DNAH9: variants seen among roughly 807,000 people sequenced by gnomAD.
DNAH9 encodes DNAH9 variant protein.
DNAH9 carries 345 observed loss-of-function variants against 471.6 expected under a neutral mutation model. The ratio of observed to expected loss-of-function variants is 0.73; its 90% CI spans 0.67 to 0.80. DNAH9 has a LOEUF of 0.80. Among genes scored for constraint, DNAH9 ranks in the 30% least tolerant of loss-of-function variants. DNAH9 has a pLI of 0.00. For synonymous variants in DNAH9, 2,093 were observed against 2,123.6 expected (o/e 0.99, Z 0.40); for missense variants, 5,407 against 5,609.2 (o/e 0.96, Z 1.15).
At chr17:11,598,954 G>A in intron 1 of DNAH9, 39 bp downstream of exon 1, 1 of 1,429,866 alleles carries the variant, frequency 7.0e-7, no homozygotes, top group Admixed American at 2.7e-5. Flanking sequence ...CTAAAGCTGG[G>A]TGGGGGAGGG....
intron 43 of DNAH9, among the ~76,000 whole-genome samples, chr17:11,803,003 T>G (rs1969523325): frequency 6.6e-6 from 1 of 152,176 alleles, no homozygotes; most frequent in Non-Finnish European, 1.5e-5. Flanking sequence ...AGCCTAAATA[T>G]CCTCACCTGG....
At position 11,929,941 on chromosome 17, in the gene DNAH9, G is replaced by C. The variant is rs1974450960; in HGVS notation, c.11953G>C (p.Glu3985Gln). The change falls in exon 63 of 69, where the codon GAG becomes CAG. Residue 3985 changes from glutamate (E) to glutamine (Q), a missense_variant. Physicochemically the swap from Glu to Gln is conservative, Grantham distance 29. Around this residue, in one of 3 missense-constraint regions of DNAH9, gnomAD observed 4,636 missense variants for 4,900.3 expected, o/e 0.95. Coordinates refer to ENST00000262442, the MANE Select transcript of DNAH9 (RefSeq NM_001372.4). Reference protein sequence around the residue: ...LEEHSENSHPEFRVFMSAEPA... With the variant: ...LEEHSENSHPQFRVFMSAEPA... ...GGAGCACAGTGAGAACAGCCACCCA[G>C]AGTTCAGGGTCTTCATGAGTGCAGA... 1.2e-6 allele frequency: 2 copies of C among 1,613,910 alleles called. No homozygotes were observed.
chr17:11,832,945 G>A (rs1477440750), intron 48 of DNAH9, among the ~76,000 whole-genome samples: 1 of 152,206 alleles, frequency 6.6e-6, no homozygotes, highest in Non-Finnish European at 1.5e-5. Context: ...CTAGGCCAGT[G>A]ACTCTCAAAC....
At chr17:11,831,887 TC>T (rs1212434389) in intron 48 of DNAH9, among the ~76,000 whole-genome samples, 1 of 151,938 alleles carries the variant, frequency 6.6e-6, no homozygotes, top group East Asian at 1.9e-4. Context: ...ACCACCATGG[TC>T]CCCATCACCC....
Position 11,869,188 on chromosome 17 carries a change from G to A in DNAH9, c.9988G>A (p.Asp3330Asn), listed in dbSNP as rs758471091. 1.2e-6 allele frequency: 2 copies of A among 1,613,766 alleles called. No homozygotes were observed. Among genetic ancestry groups the A allele is most frequent in the Admixed American group, 3.3e-5 (2 of 59,994 alleles). The change falls in exon 51 of 69, where the codon GAC (aspartate) becomes AAC (asparagine). Residue 3330 changes from aspartate to asparagine, a missense_variant. This residue lies in a region of DNAH9 where 4,636 missense variants were observed against 4,900.3 expected (regional missense o/e 0.95). Transcript: ENST00000262442. Reference protein sequence around the residue: ...LTARFEKATADKLKCQQEAEV... With the variant: ...LTARFEKATANKLKCQQEAEV... ...AGCCAGGTTTGAGAAAGCAACAGCA[G>A]ACAAACTCAAATGTCAGCAAGAAGC...
chr17:11,779,774 G>GAAGA (rs1406670386), intron 38 of DNAH9, among the ~76,000 whole-genome samples: 1 of 152,192 alleles, frequency 6.6e-6, no homozygotes, highest in East Asian at 1.9e-4. Flanking sequence ...CTTTAGGGGG[G>GAAGA]AAGAAGGTGT....
chr17:11,729,219 C>A (rs974591367), intron 28 of DNAH9, among the ~76,000 whole-genome samples: 1 of 152,092 alleles, frequency 6.6e-6, no homozygotes, highest in Non-Finnish European at 1.5e-5. Flanking sequence ...GCTCCATTCC[C>A]CCCAGGAACC....
chr17:11,944,329 G>A (rs554901309), intron 67 of DNAH9, among the ~76,000 whole-genome samples: 11 of 152,258 alleles, frequency 7.2e-5, no homozygotes, highest in Non-Finnish European at 1.0e-4. Flanking sequence ...AGAGAGACGC[G>A]GGAGAAGAAA....
chr17:11,818,313 C>T (rs1970175239), intron 45 of DNAH9, among the ~76,000 whole-genome samples: 1 of 152,022 alleles, frequency 6.6e-6, no homozygotes, highest in African/African-American at 2.4e-5. Context: ...CCTGTAGTCC[C>T]AGCTACCTGG....
chr17:11,720,196 C>A (rs1196299651), intron 27 of DNAH9, among the ~76,000 whole-genome samples: 1 of 151,394 alleles, frequency 6.6e-6, no homozygotes, highest in Non-Finnish European at 1.5e-5. Flanking sequence ...CCTTATATAG[C>A]TTCTTTTTTT....
chr17:11,743,950 C>T (rs1201881392), intron 30 of DNAH9, among the ~76,000 whole-genome samples: 3 of 151,914 alleles, frequency 2.0e-5, no homozygotes, highest in Admixed American at 6.6e-5. Context: ...CTGCCTCAGC[C>T]TCCTGAGTAG....
chr17:11,828,894 G>A (rs1286125968), intron 48 of DNAH9, among the ~76,000 whole-genome samples: 1 of 152,116 alleles, frequency 6.6e-6, no homozygotes, highest in Non-Finnish European at 1.5e-5. Context: ...TCCTTCAAGG[G>A]CAGGGACCAG....
intron 66 of DNAH9, among the ~76,000 whole-genome samples, chr17:11,939,913 A>G (rs1974846508): frequency 6.6e-6 from 1 of 151,912 alleles, no homozygotes. Context: ...GGTGATGGGT[A>G]GATGGGTGAT....
intron 12 of DNAH9, among the ~76,000 whole-genome samples, chr17:11,649,226 A>G (rs2073453166): frequency 6.6e-6 from 1 of 152,088 alleles, no homozygotes; most frequent in Non-Finnish European, 1.5e-5. Flanking sequence ...TAAGAATTGT[A>G]TAGGTTAAGT....
intron 62 of DNAH9, among the ~76,000 whole-genome samples, chr17:11,929,481 C>G (rs1007948260): frequency 2.0e-5 from 3 of 151,998 alleles, no homozygotes; most frequent in African/African-American, 4.8e-5. Flanking sequence ...TTTAAGAAGC[C>G]CTTCAGGTTA....
At chr17:11,799,245 T>C (rs1969367266) in intron 43 of DNAH9, among the ~76,000 whole-genome samples, 1 of 152,198 alleles carries the variant, frequency 6.6e-6, no homozygotes, top group Admixed American at 6.5e-5. Flanking sequence ...ACTTATCTGC[T>C]CTGGTCTTTC....
intron 2 of DNAH9, 40 bp downstream of exon 2, chr17:11,608,365 T>C (rs1324552981): frequency 2.8e-6 from 4 of 1,414,660 alleles, no homozygotes; most frequent in Non-Finnish European, 3.9e-6. Flanking sequence ...CTCTGAGATA[T>C]GGGAGATGCT....
Position 11,623,168 on chromosome 17 carries a change from C to T in DNAH9, c.1350+3387C>T, listed in dbSNP as rs1245587770. On this transcript the variant is annotated intron_variant, in intron 6 of 68. Coordinates refer to ENST00000262442, the MANE Select transcript of DNAH9 (RefSeq NM_001372.4). The surrounding 1 kb of genome is among the most constrained non-coding windows in gnomAD (Gnocchi z 4.1). ...TTTGTATTTTTAGTAGAGACAGGGT[C>T]TTTCTGTGTTGGTCAGGCTGGTCTT... Among the ~76,000 whole-genome samples the T allele has an allele frequency of 6.6e-6, 1 of 151,756 alleles. No homozygotes were observed. Among genetic ancestry groups the T allele is most frequent in the African/African-American group, 2.4e-5 (1 of 41,316 alleles).
At chr17:11,772,321 T>A (rs1269914884) in intron 38 of DNAH9, among the ~76,000 whole-genome samples, 2 of 152,124 alleles carry the variant, frequency 1.3e-5, no homozygotes, top group East Asian at 3.8e-4. Context: ...ATAATATTTT[T>A]AAAATATCCT....
Sources: allele counts gnomAD v4.1 joint callset (sites outside exome capture counted in the v4.1 genomes callset), GRCh38; gene constraint gnomAD v4.1.1; regional missense constraint gnomAD v4.1.1; non-coding constraint Gnocchi (gnomAD v3.1); transcripts MANE v1.5; gene names NCBI Gene and HGNC (gene_info 2026-07-23, HGNC 2026-07-21).